The following KPNA2 variants were observed in gnomAD, a reference collection of about 807,000 sequenced individuals.
KPNA2 encodes karyopherin subunit alpha 2, also known as importin subunit alpha-1.
KPNA2 carries 20 observed loss-of-function variants against 53.7 expected under a neutral mutation model. The observed-to-expected ratio is 0.37, with a 90% CI of 0.26 to 0.54. The LOEUF (loss-of-function observed/expected upper bound fraction) is 0.54, where lower values mean the gene tolerates loss of function less well. KPNA2 is among the 20% of genes least tolerant of loss of function. KPNA2 has a pLI of 0.83. For missense variants in KPNA2, 515 were observed against 640.3 expected (o/e 0.80, Z 2.11); for synonymous variants, 238 against 227.5 (o/e 1.05, Z -0.42).
At position 68,042,942 on chromosome 17, in the gene KPNA2, C is replaced by T. The variant is rs141483968; in HGVS notation, c.609C>T (p.Tyr203=). Residue 203 remains tyrosine (Y), a synonymous_variant, in exon 6 of 11, where the codon TAC becomes TAT. Coordinates refer to ENST00000330459, the MANE Select transcript of KPNA2 (RefSeq NM_002266.4). ...GSVFRDLVIK[Y]GAVDPLLALL... ...TGTTCCGAGACTTGGTTATTAAGTA[C>T]GGTGCAGTTGACCCACTGTTGGCTC... The T allele has an allele frequency of 1.7e-4, 280 of 1,612,754 alleles. No homozygotes were observed. Among genetic ancestry groups the T allele is most frequent in the Non-Finnish European group, 1.4e-4 (169 of 1,179,538 alleles).
intron 5 of KPNA2, among the ~76,000 whole-genome samples, chr17:68,042,599 T>C (rs1380846919): frequency 6.6e-6 from 1 of 152,170 alleles, no homozygotes; most frequent in Admixed American, 6.5e-5. Flanking sequence ...TAATCTTGCC[T>C]CGGCCGGGCA....
intron 7 of KPNA2, 128 bp downstream of exon 7, chr17:68,043,491 G>A (rs1364070624): frequency 3.4e-6 from 3 of 876,082 alleles, no homozygotes; most frequent in Non-Finnish European, 5.4e-6. Flanking sequence ...ATCACCTGAG[G>A]TCAGGAGTTC....
rs781809178 is a variant in KPNA2 at position 68,042,234 on chromosome 17, C to T, written c.452C>T (p.Thr151Ile). 6 of 1,614,020 alleles carry T rather than the reference C, an allele frequency of 3.7e-6. No homozygotes were observed. Among genetic ancestry groups the T allele is most frequent in the African/African-American group, 1.3e-5 (1 of 74,922 alleles). The part of the protein sequence containing the change: ...AWALTNIASG[T>I]SEQTKAVVDG... ...GCACTCACTAACATTGCTTCTGGGA[C>T]ATCAGAACAAACCAAGGCTGTGGTA... The change falls in exon 5 of 11, where the codon ACA becomes ATA. Residue 151 changes from threonine (T) to isoleucine (I), a missense_variant. Coordinates refer to ENST00000330459, the MANE Select transcript of KPNA2 (RefSeq NM_002266.4).
Position 68,045,852 on chromosome 17 carries a change from A to T in KPNA2, c.1428A>T (p.Leu476=), listed in dbSNP as rs782191479. 14 of 1,609,384 alleles carry T rather than the reference A, an allele frequency of 8.7e-6. No individual in the cohort carries two copies. Among genetic ancestry groups the T allele is most frequent in the Non-Finnish European group, 9.3e-6 (11 of 1,177,502 alleles). ...GAGGCTTAGACAAAATTGAAGCTCT[A>T]CAAAACCATGAAAATGAGTCTGTGT... ...ECGGLDKIEA[L]QNHENESVYK... The change falls in exon 10 of 11, where the codon CTA becomes CTT. Residue 476 remains leucine (L), a synonymous_variant. Transcript: ENST00000330459.
intron 7 of KPNA2, 81 bp downstream of exon 7, chr17:68,043,444 G>A (rs1325798078): frequency 5.7e-6 from 8 of 1,395,856 alleles, no homozygotes; most frequent in Admixed American, 3.7e-5. Flanking sequence ...GCTCACACCT[G>A]TGTAATCCCA....
In KPNA2 at chr17:68,037,373, A is replaced by C. The variant is rs1272047419; in HGVS notation, c.91A>C (p.Arg31=). 3 of 1,613,334 alleles carry C rather than the reference A, an allele frequency of 1.9e-6. No individual in the cohort carries two copies. The highest frequency in any genetic ancestry group is 2.5e-6 in the Non-Finnish European group (3 of 1,179,762). Residue 31 remains arginine, a synonymous_variant, in exon 3 of 11, where the codon AGA becomes CGA. Transcript: ENST00000330459. The part of the protein sequence containing the change: ...GKDSTEMRRR[R]IEVNVELRKA... ...TTTTCTCAAGGAAATGAGGCGTCGC[A>C]GAATAGAGGTCAATGTGGAGCTGAG...
At chr17:68,042,618 C>T (rs2144216288) in intron 5 of KPNA2, among the ~76,000 whole-genome samples, 1 of 152,212 alleles carries the variant, frequency 6.6e-6, no homozygotes, top group African/African-American at 2.4e-5. Flanking sequence ...CATGGTGGCT[C>T]ACGCCTGTAA....
chr17:68,039,380 C>T (rs912084906), intron 3 of KPNA2, among the ~76,000 whole-genome samples: 2 of 151,742 alleles, frequency 1.3e-5, no homozygotes, highest in Non-Finnish European at 2.9e-5. Context: ...CTCGGCCTCC[C>T]AAAGTGCTGG....
chr17:68,036,455 T>G (rs1555703764), intron 1 of KPNA2: 1 of 152,258 alleles, frequency 6.6e-6, no homozygotes, highest in Non-Finnish European at 1.5e-5. Context: ...AAATTTTTAT[T>G]TAATTTTCGA....
chr17:68,043,199 T>C lies in KPNA2; in HGVS notation c.766T>C (p.Leu256=). 1 of 1,614,140 alleles carries C rather than the reference T, an allele frequency of 6.2e-7. No homozygotes were observed. Among genetic ancestry groups the C allele is most frequent in the Non-Finnish European group, 8.5e-7 (1 of 1,179,992 alleles). The change falls in exon 7 of 11, where the codon TTA becomes CTA. Residue 256 remains leucine, a synonymous_variant. Transcript: ENST00000330459. ...TGCTGTTGAGCAGATTCTTCCTACC[T>C]TAGTTCGGCTCCTGCATCATGATGA... ...IDAVEQILPT[L]VRLLHHDDPE...
At chr17:68,037,523 T>TA (rs782364411) in intron 3 of KPNA2, 28 bp downstream of exon 3, 7 of 1,600,156 alleles carry the variant, frequency 4.4e-6, no homozygotes, top group Non-Finnish European at 6.0e-6. Context: ...GTTTATGAGT[T>TA]ACGTGAAATC....
intron 9 of KPNA2, 139 bp from the exon 10 acceptor site, chr17:68,045,633 A>G: frequency 3.1e-6 from 2 of 641,790 alleles, no homozygotes; most frequent in South Asian, 5.6e-5. Flanking sequence ...AAATGGACAT[A>G]AAACTATGAT....
At position 68,043,157 on chromosome 17, in the gene KPNA2, C is replaced by T. The variant is rs1555704881; in HGVS notation, c.724C>T (p.Pro242Ser). 2 of 1,614,142 alleles carry T rather than the reference C, an allele frequency of 1.2e-6. No individual in the cohort carries two copies. Among genetic ancestry groups the T allele is most frequent in the Non-Finnish European group, 1.7e-6 (2 of 1,180,014 alleles). The part of the protein sequence containing the change: ...TLSNLCRNKN[P>S]APPIDAVEQI... Reference sequence around the variant, plus strand: ...TTCTAATCTTTGCCGCAACAAGAATCCTGCACCCCCGATAGATGCTGTTGA... The same window carrying T: ...TTCTAATCTTTGCCGCAACAAGAATTCTGCACCCCCGATAGATGCTGTTGA... Residue 242 changes from proline to serine, a missense_variant, in exon 7 of 11, where the codon CCT (proline) becomes TCT (serine). Pro to Ser is a moderately conservative substitution (Grantham distance 74). Coordinates refer to ENST00000330459, the MANE Select transcript of KPNA2 (RefSeq NM_002266.4).
At position 68,037,362 on chromosome 17, in the gene KPNA2, T is replaced by C. The variant is rs782494077; in HGVS notation, c.80T>C (p.Met27Thr). ...FKNKGKDSTE[M>T]RRRRIEVNVE... ...GGCATGTTATCTTTTCTCAAGGAAA[T>C]GAGGCGTCGCAGAATAGAGGTCAAT... is the stretch of plus-strand genomic sequence containing the variant. Residue 27 changes from methionine (M) to threonine (T), a missense_variant, in exon 3 of 11, where the codon ATG becomes ACG. Physicochemically the swap from Met to Thr is moderately conservative, Grantham distance 81. Transcript: ENST00000330459. 6.2e-7 allele frequency: 1 copy of C among 1,611,464 alleles called. No individual in the cohort carries two copies. The highest frequency in any genetic ancestry group is 8.5e-7 in the Non-Finnish European group (1 of 1,179,280).
Position 68,045,857 on chromosome 17 carries a change from A to C in KPNA2, c.1433A>C (p.Asn478Thr). Residue 478 changes from asparagine (N) to threonine (T), a missense_variant, in exon 10 of 11, where the codon AAC becomes ACC. Coordinates refer to ENST00000330459, the MANE Select transcript of KPNA2 (RefSeq NM_002266.4). Reference protein sequence around the residue: ...GGLDKIEALQNHENESVYKAS... With the variant: ...GGLDKIEALQTHENESVYKAS... Reference sequence around the variant, plus strand: ...TTAGACAAAATTGAAGCTCTACAAAACCATGAAAATGAGTCTGTGTATAAG... The same window carrying C: ...TTAGACAAAATTGAAGCTCTACAAACCCATGAAAATGAGTCTGTGTATAAG... 1 of 1,609,588 alleles carries C rather than the reference A, an allele frequency of 6.2e-7. No individual in the cohort carries two copies. The highest frequency in any genetic ancestry group is 8.5e-7 in the Non-Finnish European group (1 of 1,177,466).
At chr17:68,036,543 C>T (rs1555703772) in intron 1 of KPNA2, 1 of 152,328 alleles carries the variant, frequency 6.6e-6, no homozygotes, top group Non-Finnish European at 1.5e-5. Flanking sequence ...TGCCCTGGCA[C>T]ATAATTTTTA....
At chr17:68,042,414 G>A in intron 5 of KPNA2, 61 bp downstream of exon 5, 3 of 1,526,048 alleles carry the variant, frequency 2.0e-6, no homozygotes, top group Non-Finnish European at 2.7e-6. Flanking sequence ...TGGAAGAAAG[G>A]CCTTGTTATA....
At chr17:68,044,995 T>G (rs1295545602) in intron 9 of KPNA2, among the ~76,000 whole-genome samples, 1 of 151,226 alleles carries the variant, frequency 6.6e-6, no homozygotes, top group Non-Finnish European at 1.5e-5. Flanking sequence ...CTCAGAAGGC[T>G]GAGGCAGGAG....
In KPNA2 at chr17:68,042,986, T is replaced by C. The variant is rs142968438; in HGVS notation, c.653T>C (p.Met218Thr). 4.6e-4 allele frequency: 742 copies of C among 1,613,454 alleles called. No individual in the cohort carries two copies. Among genetic ancestry groups the C allele is most frequent in the Non-Finnish European group, 5.9e-4 (700 of 1,179,534 alleles). ...TTGGCTCTCCTTGCAGTTCCTGATA[T>C]GTCATCTTTAGCAGTAAGTTACTAA... ...PLLALLAVPDMSSLACGYLRN... is the reference protein window; with the variant it reads ...PLLALLAVPDTSSLACGYLRN... Residue 218 changes from methionine (M) to threonine (T), a missense_variant, in exon 6 of 11, where the codon ATG (methionine) becomes ACG (threonine). Coordinates refer to ENST00000330459, the MANE Select transcript of KPNA2 (RefSeq NM_002266.4).
Sources: gnomAD v4.1 joint callset for allele counts (sites outside exome capture counted in the v4.1 genomes callset) on GRCh38, gnomAD v4.1.1 for gene constraint, MANE v1.5 for transcripts, NCBI Gene and HGNC (gene_info 2026-07-23, HGNC 2026-07-21) for gene names.